ERBB4: variants seen among roughly 807,000 people sequenced by gnomAD.
ERBB4 encodes the protein erb-b2 receptor tyrosine kinase 4.
A neutral mutation model predicts 158.0 loss-of-function variants in ERBB4; 42 were observed. The observed-to-expected ratio is 0.27, with a 90% confidence interval of 0.21 to 0.34. The LOEUF is 0.34. Ranked by LOEUF, ERBB4 falls within the 10% of genes least tolerant of loss-of-function variation. The probability of loss-of-function intolerance (pLI) is 1.00; values close to 1 mark genes in which losing one functional copy is unlikely to be tolerated. For missense variants in ERBB4, 1,333 were observed against 1,624.1 expected (o/e 0.82, Z 3.08); for synonymous variants, 583 against 558.7 (o/e 1.04, Z -0.61).
chr2:211,688,676 T>C (rs1193450014), intron 12 of ERBB4, among the ~76,000 whole-genome samples: 1 of 152,216 alleles, frequency 6.6e-6, no homozygotes, highest in Non-Finnish European at 1.5e-5. Flanking sequence ...CTGTTTCTTG[T>C]TTACAGACAA....
intron 3 of ERBB4, among the ~76,000 whole-genome samples, chr2:211,863,507 G>A (rs764761267): frequency 2.0e-5 from 3 of 152,116 alleles, no homozygotes; most frequent in Non-Finnish European, 2.9e-5. Context: ...AGGGGTCTGC[G>A]GCTTCATTCC....
chr2:211,698,948 C>A (rs2073128577), intron 12 of ERBB4, among the ~76,000 whole-genome samples: 2 of 152,158 alleles, frequency 1.3e-5, no homozygotes, highest in Admixed American at 1.3e-4. Flanking sequence ...CTCTTCAAAC[C>A]ATAAAGTCAG....
chr2:212,280,071 T>A (rs1177707880), intron 1 of ERBB4, among the ~76,000 whole-genome samples: 2 of 151,544 alleles, frequency 1.3e-5, no homozygotes, highest in Non-Finnish European at 3.0e-5. Context: ...AAAATCTGCC[T>A]CAGAAGATGG....
chr2:212,129,437 T>A (rs1406247288), intron 1 of ERBB4, among the ~76,000 whole-genome samples: 1 of 151,204 alleles, frequency 6.6e-6, no homozygotes, highest in East Asian at 1.9e-4. Flanking sequence ...TAATATAATA[T>A]TATACAATAA....
chr2:211,790,256 G>A (rs937498122), intron 3 of ERBB4, among the ~76,000 whole-genome samples: 5 of 151,846 alleles, frequency 3.3e-5, no homozygotes, highest in African/African-American at 1.2e-4. Flanking sequence ...AAAGAAAGGA[G>A]ATTTTGACTG....
At chr2:211,621,096 C>T (rs2069583743) in intron 18 of ERBB4, among the ~76,000 whole-genome samples, 2 of 151,832 alleles carry the variant, frequency 1.3e-5, no homozygotes, top group African/African-American at 2.4e-5. Context: ...CCCTGGCCTA[C>T]AGAGCAAGAC....
chr2:211,851,660 T>C (rs1006699460), intron 3 of ERBB4, among the ~76,000 whole-genome samples: 7 of 151,944 alleles, frequency 4.6e-5, no homozygotes, highest in Non-Finnish European at 7.4e-5. Context: ...GATCACGTGG[T>C]ATATTTTGGG....
At chr2:211,576,606 G>A (rs537335796) in intron 19 of ERBB4, among the ~76,000 whole-genome samples, 3 of 152,106 alleles carry the variant, frequency 2.0e-5, no homozygotes, top group Admixed American at 1.3e-4. Context: ...ACTCATCCCC[G>A]ATATGGATTG....
chr2:212,175,646 A>T (rs2081643330), intron 1 of ERBB4, among the ~76,000 whole-genome samples: 1 of 151,398 alleles, frequency 6.6e-6, no homozygotes, highest in Non-Finnish European at 1.5e-5. Context: ...GTAAGTAAAG[A>T]GAGAATGACA....
chr2:211,988,926 A>G (rs921580323), intron 2 of ERBB4, among the ~76,000 whole-genome samples: 1 of 151,876 alleles, frequency 6.6e-6, no homozygotes, highest in African/African-American at 2.4e-5. Context: ...TTTGCAATCT[A>G]TTTTTTTCTA....
chr2:211,971,526 G>T (rs2081452358), intron 2 of ERBB4, among the ~76,000 whole-genome samples: 1 of 152,034 alleles, frequency 6.6e-6, no homozygotes, highest in African/African-American at 2.4e-5. Context: ...AAAAAATTGA[G>T]AAGGACCTCC....
intron 16 of ERBB4, among the ~76,000 whole-genome samples, chr2:211,639,356 C>G (rs1255774377): frequency 6.6e-6 from 1 of 152,020 alleles, no homozygotes; most frequent in Non-Finnish European, 1.5e-5. Flanking sequence ...ATTTAAATGT[C>G]CAGGATTCAG....
chr2:212,012,029 A>C (rs1370185270), intron 2 of ERBB4, among the ~76,000 whole-genome samples: 2 of 152,246 alleles, frequency 1.3e-5, no homozygotes, highest in Admixed American at 1.3e-4. Flanking sequence ...CAGGAAAGTT[A>C]GGATCCAAAG....
rs1351223831 is a variant in ERBB4 at position 211,375,865 on chromosome 2, T to A, written c.*7750A>T. On this transcript the variant is annotated 3_prime_UTR_variant, in exon 28 of 28. Transcript: ENST00000342788. ...ATGAGGCAAAGCAGTTCGCATTCTA[T>A]AATTGCCTTGTACAGGTACAATTCT... 3.0e-5 allele frequency: 7 copies of A among 232,696 alleles called. No individual in the cohort carries two copies. The East Asian group carries it at 4.3e-4, about 14-fold the overall frequency. 14.4% of individuals were successfully genotyped at this position (232,696 alleles called of 1,614,324 possible).
rs67517368 is a variant in ERBB4, at chr2:212,374,091, C to CAT, written c.82+164356_82+164357dup. Among the ~76,000 whole-genome samples the CAT allele has an allele frequency of 1.4e-3, 124 of 88,874 alleles. 9 individuals are homozygous for CAT. The highest frequency in any genetic ancestry group is 2.4e-3 in the Non-Finnish European group (88 of 37,392). 58.3% of individuals were successfully genotyped at this position (88,874 alleles called of 152,430 possible). On this transcript the variant is annotated intron_variant, in intron 1 of 27. Transcript: ENST00000342788. ...ATCCATATATATATCCATATATATC[C>CAT]ATATATATATATACACACACATATA...
chr2:211,954,234 C>T (rs1023308710), intron 2 of ERBB4, among the ~76,000 whole-genome samples: 3 of 152,014 alleles, frequency 2.0e-5, no homozygotes, highest in East Asian at 3.9e-4. Flanking sequence ...AAAGTGATTA[C>T]AGTAACACAC....
intron 1 of ERBB4, among the ~76,000 whole-genome samples, chr2:212,264,720 A>G (rs1319124137): frequency 6.6e-6 from 1 of 152,150 alleles, no homozygotes; most frequent in Admixed American, 6.6e-5. Context: ...TTTATGTCTA[A>G]ATCTGAGATC....
intron 1 of ERBB4, among the ~76,000 whole-genome samples, chr2:212,184,653 T>A (rs893070571): frequency 1.3e-5 from 2 of 151,768 alleles, no homozygotes; most frequent in Middle Eastern, 3.4e-3. Context: ...TTTGTTTTTG[T>A]TTATTTTACC....
chr2:212,126,787 C>T (rs1559548374), intron 1 of ERBB4, among the ~76,000 whole-genome samples: 1 of 152,034 alleles, frequency 6.6e-6, no homozygotes, highest in Non-Finnish European at 1.5e-5. Flanking sequence ...TGCTATGATG[C>T]CTGATGTTGT....
Sources: allele counts gnomAD v4.1 joint callset (sites outside exome capture counted in the v4.1 genomes callset), GRCh38; gene constraint gnomAD v4.1.1; transcripts MANE v1.5; gene names NCBI Gene and HGNC (gene_info 2026-07-23, HGNC 2026-07-21).